KCTD13: variants seen among roughly 807,000 people sequenced by gnomAD.
KCTD13 encodes BTB/POZ domain-containing adapter for CUL3-mediated RhoA degradation protein 1.
In KCTD13, 15 loss-of-function variants were observed where a neutral mutation model predicts 32.3. That is an observed-to-expected ratio of 0.46 (90% confidence interval 0.31 to 0.71). KCTD13 has a LOEUF of 0.71. Among genes scored for constraint, KCTD13 ranks in the 30% least tolerant of loss-of-function variants. The pLI is 0.05. For missense variants in KCTD13, 337 were observed against 452.6 expected (o/e 0.74, Z 2.32); for synonymous variants, 189 against 200.1 (o/e 0.94, Z 0.47).
At chr16:29,915,282 A>G (rs1182349509) in intron 2 of KCTD13, 1 of 152,202 alleles carries the variant, frequency 6.6e-6, no homozygotes, top group African/African-American at 2.4e-5. Flanking sequence ...CTCTGCCAAT[A>G]TAATTCTCTT....
intron 2 of KCTD13, among the ~76,000 whole-genome samples, chr16:29,917,934 C>G (rs957456754): frequency 6.6e-6 from 1 of 152,048 alleles, no homozygotes; most frequent in African/African-American, 2.4e-5. Context: ...GGTGACAGAT[C>G]AAGACTCTGC....
intron 5 of KCTD13, among the ~76,000 whole-genome samples, chr16:29,907,978 T>C (rs1414966073): frequency 6.9e-6 from 1 of 144,210 alleles, no homozygotes; most frequent in Non-Finnish European, 1.5e-5. Flanking sequence ...ACCTCATCTA[T>C]TAAAAAAAAA....
intron 1 of KCTD13, among the ~76,000 whole-genome samples, chr16:29,923,819 A>G (rs1164573221): frequency 6.6e-6 from 1 of 151,722 alleles, no homozygotes; most frequent in Non-Finnish European, 1.5e-5. Flanking sequence ...GCGCCATTGC[A>G]CTCCAGCCTG....
chr16:29,922,909 A>C, intron 2 of KCTD13: 1 of 457,406 alleles, frequency 2.2e-6, no homozygotes. Context: ...GCTGAAAGAT[A>C]ATTACTCAGG....
At chr16:29,911,613 C>A in intron 4 of KCTD13, 1 of 611,646 alleles carries the variant, frequency 1.6e-6, no homozygotes, top group Non-Finnish European at 2.9e-6. Context: ...CTCACCCAAA[C>A]CCATTTACTG....
At chr16:29,911,717 T>C in intron 4 of KCTD13, 98 bp downstream of exon 4, 1 of 1,319,326 alleles carries the variant, frequency 7.6e-7, no homozygotes, top group Non-Finnish European at 1.1e-6. Context: ...CAGATGTTCT[T>C]GTAGGCCCCC....
At chr16:29,911,267 C>T in intron 4 of KCTD13, 94 bp from the exon 5 acceptor site, 2 of 979,370 alleles carry the variant, frequency 2.0e-6, no homozygotes, top group Non-Finnish European at 3.1e-6. Context: ...CAGTCCTCTG[C>T]TCCTGCCCAG....
chr16:29,911,356 T>C (rs2068705509), intron 4 of KCTD13, 183 bp from the exon 5 acceptor site: 1 of 607,610 alleles, frequency 1.6e-6, no homozygotes, highest in Non-Finnish European at 2.9e-6. Context: ...CCACATGCGC[T>C]GAGCAAATCC....
chr16:29,911,626 G>A (rs781192211), intron 4 of KCTD13, 189 bp downstream of exon 4: 12 of 618,948 alleles, frequency 1.9e-5, no homozygotes, highest in Admixed American at 5.6e-5. Flanking sequence ...ATTTACTGAT[G>A]ACTGAGCTGA....
At chr16:29,918,893 T>A (rs2068859659) in intron 2 of KCTD13, among the ~76,000 whole-genome samples, 1 of 151,244 alleles carries the variant, frequency 6.6e-6, no homozygotes, top group Non-Finnish European at 1.5e-5. Flanking sequence ...CTCCTGACCT[T>A]GTGATCCACC....
At chr16:29,915,722 G>A (rs947751825) in intron 2 of KCTD13, among the ~76,000 whole-genome samples, 6 of 152,178 alleles carry the variant, frequency 3.9e-5, no homozygotes, top group Non-Finnish European at 5.9e-5. Flanking sequence ...TCTCAGAAGC[G>A]TGATTATTAT....
Position 29,926,162 on chromosome 16 carries a change from A to G in KCTD13, c.-129T>C. ...GCGCACACGCCCACTCACCGCAGCT[A>G]CTCTGCAAGACCGGCCCTCCGCCCC... On this transcript the variant is annotated 5_prime_UTR_variant, in exon 1 of 6. It removes the in-frame stop codon of an upstream open reading frame in the 5' UTR. Coordinates refer to ENST00000568000, the MANE Select transcript of KCTD13 (RefSeq NM_178863.5). The G allele has an allele frequency of 9.3e-7, 1 of 1,072,616 alleles. No homozygotes were observed. The allele number at this position is 1,072,616 out of a possible 1,614,324, so 66.4% of individuals were successfully genotyped here. A position where few individuals can be genotyped will look rare whatever the true frequency, so the allele number is the denominator to read the frequency against.
intron 2 of KCTD13, chr16:29,922,382 G>C (rs1464156081): frequency 6.6e-6 from 1 of 152,076 alleles, no homozygotes; most frequent in African/African-American, 2.4e-5. Flanking sequence ...TAAAAGAAAG[G>C]ACATTTTTAA....
intron 3 of KCTD13, 38 bp from the exon 4 acceptor site, chr16:29,911,905 T>C (rs1299309140): frequency 6.2e-7 from 1 of 1,610,178 alleles, no homozygotes; most frequent in Admixed American, 1.7e-5. Flanking sequence ...GGGGTGAGGC[T>C]GCAGGGAGAG....
chr16:29,922,923 G>A (rs929576017), intron 2 of KCTD13: 10 of 470,770 alleles, frequency 2.1e-5, no homozygotes, highest in Admixed American at 7.3e-5. Flanking sequence ...ACTCAGGTGC[G>A]AGTGTAACAG....
In KCTD13 at chr16:29,923,170, G is replaced by C; in HGVS notation, c.414+20C>G. 6.2e-7 allele frequency: 1 copy of C among 1,613,120 alleles called. No homozygotes were observed. Among genetic ancestry groups the C allele is most frequent in the Non-Finnish European group, 8.5e-7 (1 of 1,179,380 alleles). On this transcript the variant is annotated intron_variant, in intron 2 of 5. Coordinates refer to ENST00000568000, the MANE Select transcript of KCTD13 (RefSeq NM_178863.5). ...CAGCTCTCCCAGGAACATAGGCATG[G>C]GGACTCCGAAGGCCCTCACCTGCAG...
chr16:29,907,182 C>G, intron 5 of KCTD13, 74 bp from the exon 6 acceptor site: 5 of 1,034,942 alleles, frequency 4.8e-6, no homozygotes, highest in Non-Finnish European at 7.2e-6. Flanking sequence ...GCCTAGGGCC[C>G]CTGCACCAAC....
intron 2 of KCTD13, chr16:29,914,975 CAA>C (rs538063744): frequency 8.5e-5 from 11 of 128,806 alleles, no homozygotes; most frequent in Admixed American, 1.6e-4. Flanking sequence ...GACTCTGTCT[CAA>C]AAAAAAAAAA....
At chr16:29,925,545 G>A in intron 1 of KCTD13, 1 of 566,434 alleles carries the variant, frequency 1.8e-6, no homozygotes, top group South Asian at 2.0e-5. Flanking sequence ...TTACCACAGC[G>A]CCTGGCAGTT....
Sources: gnomAD v4.1 joint callset for allele counts (sites outside exome capture counted in the v4.1 genomes callset) on GRCh38, gnomAD v4.1.1 for gene constraint, MANE v1.5 for transcripts, NCBI Gene and HGNC (gene_info 2026-07-23, HGNC 2026-07-21) for gene names.